Variants in SULT1C4 observed in about 807,000 individuals in gnomAD.
The protein encoded by SULT1C4 is sulfotransferase 1C4.
Under a neutral mutation model 34.8 loss-of-function variants are expected in SULT1C4, and 32 were observed. The ratio of observed to expected loss-of-function variants is 0.92; its 90% CI spans 0.69 to 1.23. The LOEUF (loss-of-function observed/expected upper bound fraction) is 1.23, where lower values mean the gene tolerates loss of function less well. Among genes scored for constraint, SULT1C4 ranks in the 50% most tolerant of loss-of-function variants. SULT1C4 has a pLI of 0.00. For synonymous variants in SULT1C4, 111 were observed against 120.5 expected (o/e 0.92, Z 0.51); for missense variants, 375 against 365.9 (o/e 1.02, Z -0.20).
At chr2:108,386,485 T>C (rs1412262649) in intron 6 of SULT1C4, 113 bp downstream of exon 6, 3 of 855,924 alleles carry the variant, frequency 3.5e-6, no homozygotes, top group African/African-American at 3.5e-5. Context: ...ATAAATGATT[T>C]GGGGAAAAGA....
chr2:108,384,160 T>C (rs1678507128), intron 5 of SULT1C4, among the ~76,000 whole-genome samples: 1 of 152,008 alleles, frequency 6.6e-6, no homozygotes, highest in Admixed American at 6.5e-5. Flanking sequence ...TGAGCTACCA[T>C]GCCCAGAGTT....
chr2:108,378,869 T>G (rs4149432), intron 1 of SULT1C4, among the ~76,000 whole-genome samples: 57,054 of 151,650 alleles, frequency 0.38, 14,432 homozygotes, highest in African/African-American at 0.72. Context: ...GCTAGAAAGG[T>G]GATCCTGAGT....
In SULT1C4 at chr2:108,378,505, A is replaced by C. The variant is rs1414699847; in HGVS notation, c.168A>C (p.Ala56=). The C allele has an allele frequency of 2.5e-6, 4 of 1,613,556 alleles. No homozygotes were observed. The highest frequency in any genetic ancestry group is 3.4e-6 in the Non-Finnish European group (4 of 1,179,676). ...DDLLISTYPK[A]GTTWTQEIVE... ...TGCTTATTTCTACCTATCCTAAAGC[A>C]GGTAGGTGGAAGGGCTTGCAGGGGA... The change falls in exon 1 of 7, where the codon GCA becomes GCC. Residue 56 remains alanine, a splice_region_variant and synonymous_variant. Coordinates refer to ENST00000272452, the MANE Select transcript of SULT1C4 (RefSeq NM_006588.4).
In SULT1C4 at chr2:108,378,381, A is replaced by G; in HGVS notation, c.44A>G (p.Lys15Arg). Residue 15 changes from lysine to arginine, a missense_variant, in exon 1 of 7, where the codon AAG (lysine) becomes AGG (arginine). Coordinates refer to ENST00000272452, the MANE Select transcript of SULT1C4 (RefSeq NM_006588.4). The stretch of plus-strand genomic sequence containing the variant: ...GAGGATTTTACATTTGATGGAACAA[A>G]GCGCTTAAGTGTCAACTACGTGAAG... ...DMEDFTFDGT[K>R]RLSVNYVKGI... The G allele has an allele frequency of 1.2e-6, 2 of 1,614,206 alleles. No individual in the cohort carries two copies. Among genetic ancestry groups the G allele is most frequent in the Non-Finnish European group, 1.7e-6 (2 of 1,180,030 alleles).
In SULT1C4 at chr2:108,386,206, A is replaced by C. The variant is rs1678562892; in HGVS notation, c.630A>C (p.Glu210Asp). 6 of 1,514,566 alleles carry C rather than the reference A, an allele frequency of 4.0e-6. No homozygotes were observed. Among genetic ancestry groups the C allele is most frequent in the Non-Finnish European group, 5.3e-6 (6 of 1,128,074 alleles). 93.8% of individuals were successfully genotyped at this position (1,514,566 alleles called of 1,614,324 possible). The change falls in exon 6 of 7, where the codon GAA (glutamate) becomes GAC (aspartate). Residue 210 changes from glutamate (E) to aspartate (D), a missense_variant. By Grantham distance (45) the Glu-to-Asp change is conservative. Transcript: ENST00000272452. ...YEDMKKNPKH[E>D]IQKLAEFIGK... ...TCTGATCATAGAACCCAAAGCATGA[A>C]ATTCAGAAGCTGGCAGAATTTATTG...
At chr2:108,386,489 G>A (rs1573299584) in intron 6 of SULT1C4, 117 bp downstream of exon 6, 1 of 825,826 alleles carries the variant, frequency 1.2e-6, no homozygotes, top group Non-Finnish European at 1.7e-6. Flanking sequence ...ATGATTTGGG[G>A]AAAAGAAGTA....
Position 108,378,384 on chromosome 2 carries a change from G to T in SULT1C4, c.47G>T (p.Arg16Leu). ...GATTTTACATTTGATGGAACAAAGCGCTTAAGTGTCAACTACGTGAAGGGA... is the reference window on the plus strand; with the variant it reads ...GATTTTACATTTGATGGAACAAAGCTCTTAAGTGTCAACTACGTGAAGGGA... Reference protein sequence around the residue: ...MEDFTFDGTKRLSVNYVKGIL... With the variant: ...MEDFTFDGTKLLSVNYVKGIL... Residue 16 changes from arginine (R) to leucine (L), a missense_variant, in exon 1 of 7, where the codon CGC (arginine) becomes CTC (leucine). Arg to Leu is a moderately radical substitution (Grantham distance 102). Transcript: ENST00000272452. 3.1e-6 allele frequency: 5 copies of T among 1,614,142 alleles called. No individual in the cohort carries two copies. Among genetic ancestry groups the T allele is most frequent in the Non-Finnish European group, 4.2e-6 (5 of 1,179,996 alleles).
intron 5 of SULT1C4, among the ~76,000 whole-genome samples, chr2:108,384,111 C>CA (rs1225088479): frequency 2.0e-5 from 3 of 152,070 alleles, no homozygotes; most frequent in Non-Finnish European, 2.9e-5. Context: ...CCAAGTGTTC[C>CA]ACCCTCCTCA....
In SULT1C4 at chr2:108,386,343, A is replaced by G; in HGVS notation, c.767A>G (p.Asp256Gly). Residue 256 changes from aspartate (D) to glycine (G), a missense_variant, in exon 6 of 7, where the codon GAC becomes GGC. Asp to Gly is a moderately conservative substitution (Grantham distance 94). Transcript: ENST00000272452. ...TCATCGATTCCTGCTGAAATCATGG[A>G]CCACTCCATTTCTCCATTCATGAGA... ...NYSSIPAEIM[D>G]HSISPFMRKG... 2 of 1,538,274 alleles carry G rather than the reference A, an allele frequency of 1.3e-6. No homozygotes were observed. The highest frequency in any genetic ancestry group is 1.8e-6 in the Non-Finnish European group (2 of 1,142,006).
rs1678480717 is a variant in SULT1C4, at chr2:108,383,436, G to C, written c.541G>C (p.Glu181Gln). Residue 181 changes from glutamate (E) to glutamine (Q), a missense_variant, in exon 5 of 7, where the codon GAA becomes CAA. By Grantham distance (29) the Glu-to-Gln change is conservative. Coordinates refer to ENST00000272452, the MANE Select transcript of SULT1C4 (RefSeq NM_006588.4). The part of the protein sequence containing the change: ...AGKVCWGSWH[E>Q]HVKGWWEAKD... Reference sequence around the variant, plus strand: ...TCCAGTGTGCTGGGGCTCCTGGCATGAACATGTGAAAGGATGGTGGGAAGC... The same window carrying C: ...TCCAGTGTGCTGGGGCTCCTGGCATCAACATGTGAAAGGATGGTGGGAAGC... 3.7e-6 allele frequency: 6 copies of C among 1,614,150 alleles called. No individual in the cohort carries two copies. The East Asian group carries it at 1.3e-4, about 36-fold the overall frequency.
intron 5 of SULT1C4, among the ~76,000 whole-genome samples, chr2:108,385,565 C>T (rs943144348): frequency 6.6e-6 from 1 of 152,164 alleles, no homozygotes; most frequent in Non-Finnish European, 1.5e-5. Flanking sequence ...TCCTTCCCCA[C>T]CCGCCCTCTG....
chr2:108,383,087 TC>T lies in SULT1C4; in HGVS notation c.394-3del. ...TCTTCCCTTCCCCTCCCCTCATCAT[TC>T]CCAGATAATCTATGTAGCAAGAAAT... On this transcript the variant is annotated splice_region_variant and splice_polypyrimidine_tract_variant and intron_variant, in intron 3 of 6. Coordinates refer to ENST00000272452, the MANE Select transcript of SULT1C4 (RefSeq NM_006588.4). The T allele has an allele frequency of 6.4e-7, 1 of 1,567,114 alleles. No homozygotes were observed. The highest frequency in any genetic ancestry group is 8.6e-7 in the Non-Finnish European group (1 of 1,160,458).
rs945983063 is a variant in SULT1C4 at position 108,378,005 on chromosome 2, G to A, written c.-333G>A. On this transcript the variant is annotated 5_prime_UTR_variant, in exon 1 of 7. Coordinates refer to ENST00000272452, the MANE Select transcript of SULT1C4 (RefSeq NM_006588.4). Reference sequence around the variant, plus strand: ...GCTCCAGTTCCCTGGAACCTGAGTCGGGAGACCTGCAGCTCACTTTCTCCC... The same window carrying A: ...GCTCCAGTTCCCTGGAACCTGAGTCAGGAGACCTGCAGCTCACTTTCTCCC... 5.9e-5 allele frequency: 10 copies of A among 170,230 alleles called. No individual in the cohort carries two copies. Among genetic ancestry groups the A allele is most frequent in the African/African-American group, 2.4e-4 (10 of 41,160 alleles). 10.5% of individuals were successfully genotyped at this position (170,230 alleles called of 1,614,324 possible).
At position 108,387,687 on chromosome 2, in the gene SULT1C4, A is replaced by G; in HGVS notation, c.*255A>G. On this transcript the variant is annotated 3_prime_UTR_variant, in exon 7 of 7. Coordinates refer to ENST00000272452, the MANE Select transcript of SULT1C4 (RefSeq NM_006588.4). ...AATCCTGGTATCATTGCCAATTATC[A>G]TCATATTTACATTTTCTACAATCAT... 1 of 382,196 alleles carries G rather than the reference A, an allele frequency of 2.6e-6. No individual in the cohort carries two copies. The allele number at this position is 382,196 out of a possible 1,614,324, so 23.7% of individuals were successfully genotyped here. A position where few individuals can be genotyped will look rare whatever the true frequency, so the allele number is the denominator to read the frequency against.
chr2:108,388,960 G>T lies in SULT1C4; in HGVS notation c.*1528G>T, dbSNP rs1256873816. 6.6e-6 allele frequency among the ~76,000 whole-genome samples: 1 copy of T among 152,192 alleles called. No individual in the cohort carries two copies. The highest frequency in any genetic ancestry group is 1.5e-5 in the Non-Finnish European group (1 of 68,032). ...ATACTTAGTGTAACTCTTCTGTGAT[G>T]AAGATTAAAGTGTATTATGGCAACT... On this transcript the variant is annotated 3_prime_UTR_variant, in exon 7 of 7. Coordinates refer to ENST00000272452, the MANE Select transcript of SULT1C4 (RefSeq NM_006588.4).
rs760801583 is a variant in SULT1C4 at position 108,382,417 on chromosome 2, C to A, written c.328C>A (p.Arg110=). The change falls in exon 3 of 7, where the codon CGG becomes AGG. Residue 110 remains arginine, a synonymous_variant. Transcript: ENST00000272452. ...ACAAGCTCATGCAATGCCCTCACCACGGATCCTGAAAACACATCTTCCCTT... is the reference window on the plus strand; with the variant it reads ...ACAAGCTCATGCAATGCCCTCACCAAGGATCCTGAAAACACATCTTCCCTT... ...LEQAHAMPSP[R]ILKTHLPFHL... 4 of 1,614,058 alleles carry A rather than the reference C, an allele frequency of 2.5e-6. 1 individual carries two copies. The South Asian group carries it at 4.4e-5, about 18-fold the overall frequency.
At chr2:108,380,444 T>C (rs1233981960) in intron 1 of SULT1C4, among the ~76,000 whole-genome samples, 1 of 151,616 alleles carries the variant, frequency 6.6e-6, no homozygotes, top group Admixed American at 6.6e-5. Context: ...AGCCCAGGAG[T>C]TGGAGGCTGC....
At chr2:108,383,655 C>A in intron 5 of SULT1C4, 145 bp downstream of exon 5, 2 of 649,044 alleles carry the variant, frequency 3.1e-6, no homozygotes, top group Non-Finnish European at 5.1e-6. Context: ...TGTCAAAGTG[C>A]ACATGGCTGA....
At chr2:108,383,881 G>A (rs1297889568) in intron 5 of SULT1C4, among the ~76,000 whole-genome samples, 1 of 135,848 alleles carries the variant, frequency 7.4e-6, no homozygotes, top group Non-Finnish European at 1.5e-5. Context: ...TTTTGTTTTT[G>A]AGACAGAGGA....
Sources: gnomAD v4.1 joint callset for allele counts (sites outside exome capture counted in the v4.1 genomes callset) on GRCh38, gnomAD v4.1.1 for gene constraint, MANE v1.5 for transcripts, NCBI Gene and HGNC (gene_info 2026-07-23, HGNC 2026-07-21) for gene names.